CYSLTR2: variants seen among roughly 807,000 people sequenced by gnomAD.
The protein encoded by CYSLTR2 is G-protein coupled receptor GPCR21.
For synonymous variants in CYSLTR2, 179 were observed against 160.8 expected, an observed-to-expected ratio of 1.11 and a Z score of -0.86; for missense variants, 398 against 411.9, an observed-to-expected ratio of 0.97 and a Z score of 0.29.
chr13:48,707,528 G>A lies in CYSLTR2; in HGVS notation c.711G>A (p.Gly237=). The change falls in exon 5 of 5, where the codon GGG becomes GGA. Residue 237 remains glycine (G), a synonymous_variant. Transcript: ENST00000682523. ...VLLKVEVPES[G]LRVSHRKALT... is the part of the protein sequence containing the mutation. ...TAAAAGTGGAGGTCCCAGAATCGGG[G>A]CTGCGGGTTTCTCACAGGAAGGCAC... The A allele has an allele frequency of 6.2e-7, 1 of 1,609,254 alleles. No individual in the cohort carries two copies. The highest frequency in any genetic ancestry group is 8.5e-7 in the Non-Finnish European group (1 of 1,180,006).
intron 1 of CYSLTR2, among the ~76,000 whole-genome samples, chr13:48,674,407 G>T (rs983958331): frequency 1.3e-5 from 2 of 151,894 alleles, no homozygotes; most frequent in Non-Finnish European, 2.9e-5. Context: ...CCATTTGATC[G>T]ATTCTGCTAT....
Position 48,709,232 on chromosome 13 carries a change from C to T in CYSLTR2, c.*1374C>T, listed in dbSNP as rs1418976734. On this transcript the variant is annotated 3_prime_UTR_variant, in exon 5 of 5. Coordinates refer to ENST00000682523, the MANE Select transcript of CYSLTR2 (RefSeq NM_001308476.3). ...AAAGCTGTCCTTTCCTACCAATTTC[C>T]TCCCCCTCCTCACTCTCACAAGAAA... 6.0e-6 allele frequency: 1 copy of T among 167,084 alleles called. No individual in the cohort carries two copies. Among genetic ancestry groups the T allele is most frequent in the East Asian group, 1.9e-4 (1 of 5,206 alleles). The allele number at this position is 167,084 out of a possible 1,614,324, so 10.4% of individuals were successfully genotyped here. A position where few individuals can be genotyped will look rare whatever the true frequency, so the allele number is the denominator to read the frequency against.
intron 4 of CYSLTR2, among the ~76,000 whole-genome samples, chr13:48,706,114 A>G (rs1012623608): frequency 3.3e-5 from 5 of 150,386 alleles, no homozygotes; most frequent in African/African-American, 1.2e-4. Context: ...CTCCTGCCTC[A>G]GCCTCCCGGG....
chr13:48,668,219 C>T (rs1290048566), intron 1 of CYSLTR2, among the ~76,000 whole-genome samples: 2 of 150,982 alleles, frequency 1.3e-5, no homozygotes, highest in Admixed American at 6.6e-5. Context: ...AGTTTTTATA[C>T]AAGTGCCATA....
At chr13:48,673,234 G>T (rs926688353) in intron 1 of CYSLTR2, among the ~76,000 whole-genome samples, 5 of 152,080 alleles carry the variant, frequency 3.3e-5, no homozygotes, top group African/African-American at 1.2e-4. Flanking sequence ...TATTGTGTGG[G>T]AGTCTAAGTC....
At chr13:48,671,135 G>A (rs1953417794) in intron 1 of CYSLTR2, among the ~76,000 whole-genome samples, 1 of 152,212 alleles carries the variant, frequency 6.6e-6, no homozygotes, top group African/African-American at 2.4e-5. Context: ...TTTGTTTCCT[G>A]AGACTTTGCT....
chr13:48,679,029 TCCCA>T (rs1405366436), intron 1 of CYSLTR2, among the ~76,000 whole-genome samples: 2 of 151,978 alleles, frequency 1.3e-5, no homozygotes, highest in Non-Finnish European at 2.9e-5. Context: ...CAGGATGAAA[TCCCA>T]ATTCCTTGGT....
At chr13:48,688,938 A>T (rs1275696662) in intron 1 of CYSLTR2, among the ~76,000 whole-genome samples, 1 of 152,144 alleles carries the variant, frequency 6.6e-6, no homozygotes, top group Non-Finnish European at 1.5e-5. Context: ...TGACTTTTTA[A>T]TGATCACCAT....
Position 48,706,934 on chromosome 13 carries a change from A to T in CYSLTR2, c.117A>T (p.Glu39Asp), listed in dbSNP as rs754945976. 3.7e-6 allele frequency: 6 copies of T among 1,614,114 alleles called. No individual in the cohort carries two copies. The highest frequency in any genetic ancestry group is 5.1e-6 in the Non-Finnish European group (6 of 1,180,012). ...GCACAATTGAAAACTTCAAGAGAGAATTTTTCCCAATTGTATATCTGATAA... is the reference window on the plus strand; with the variant it reads ...GCACAATTGAAAACTTCAAGAGAGATTTTTTCCCAATTGTATATCTGATAA... ...RNCTIENFKR[E>D]FFPIVYLIIF... The change falls in exon 5 of 5, where the codon GAA becomes GAT. Residue 39 changes from glutamate (E) to aspartate (D), a missense_variant. By Grantham distance (45) the Glu-to-Asp change is conservative (BLOSUM62 2). Transcript: ENST00000682523.
In CYSLTR2 at chr13:48,707,636, A is replaced by G. The variant is rs373607915; in HGVS notation, c.819A>G (p.Thr273=). The G allele has an allele frequency of 1.2e-6, 2 of 1,613,810 alleles. No homozygotes were observed. Among genetic ancestry groups the G allele is most frequent in the Non-Finnish European group, 1.7e-6 (2 of 1,180,008 alleles). ...YHTLRTVHLT[T]WKVGLCKDRL... is the part of the protein sequence containing the mutation. ...CACTGAGGACCGTCCACTTGACGAC[A>G]TGGAAAGTGGGTTTATGCAAAGACA... Residue 273 remains threonine (T), a synonymous_variant, in exon 5 of 5, where the codon ACA becomes ACG. Transcript: ENST00000682523.
At chr13:48,679,012 C>T (rs1307691259) in intron 1 of CYSLTR2, among the ~76,000 whole-genome samples, 3 of 152,184 alleles carry the variant, frequency 2.0e-5, no homozygotes, top group African/African-American at 7.2e-5. Flanking sequence ...GAGGCTCTCA[C>T]TGCCCTCAGG....
chr13:48,665,862 C>A (rs189560787), intron 1 of CYSLTR2, among the ~76,000 whole-genome samples: 7 of 152,026 alleles, frequency 4.6e-5, no homozygotes, highest in Admixed American at 4.6e-4. Context: ...TGTATTGATT[C>A]TTTTCTGCTT....
At chr13:48,666,633 G>T (rs1191963746) in intron 1 of CYSLTR2, among the ~76,000 whole-genome samples, 1 of 151,952 alleles carries the variant, frequency 6.6e-6, no homozygotes, top group Non-Finnish European at 1.5e-5. Context: ...TATTTCAAAA[G>T]ACCTGTCTTC....
chr13:48,671,646 A>G (rs1329706183), intron 1 of CYSLTR2, among the ~76,000 whole-genome samples: 1 of 152,206 alleles, frequency 6.6e-6, no homozygotes, highest in Non-Finnish European at 1.5e-5. Flanking sequence ...CGTGGTGGAT[A>G]AGCTTTTTAA....
chr13:48,683,124 T>A (rs1356009751), intron 1 of CYSLTR2, among the ~76,000 whole-genome samples: 1 of 152,224 alleles, frequency 6.6e-6, no homozygotes, highest in African/African-American at 2.4e-5. Flanking sequence ...TTATCCAGTC[T>A]ACCATTGATG....
At chr13:48,679,014 G>A (rs1953676336) in intron 1 of CYSLTR2, among the ~76,000 whole-genome samples, 1 of 152,052 alleles carries the variant, frequency 6.6e-6, no homozygotes, top group Non-Finnish European at 1.5e-5. Flanking sequence ...GGCTCTCACT[G>A]CCCTCAGGAT....
rs61735169 is a variant in CYSLTR2 at position 48,707,543 on chromosome 13, C to G, written c.726C>G (p.His242Gln). 1.6e-3 allele frequency: 2,576 copies of G among 1,608,494 alleles called. 48 individuals carry two copies. The African/African-American group carries it at 0.03, about 19-fold the overall frequency. The change falls in exon 5 of 5, where the codon CAC (histidine) becomes CAG (glutamine). Residue 242 changes from histidine (H) to glutamine (Q), a missense_variant. Coordinates refer to ENST00000682523, the MANE Select transcript of CYSLTR2 (RefSeq NM_001308476.3). ...CAGAATCGGGGCTGCGGGTTTCTCA[C>G]AGGAAGGCACTGACCACCATCATCA... is the stretch of plus-strand genomic sequence containing the variant. ...EVPESGLRVS[H>Q]RKALTTIIIT...
At chr13:48,702,783 G>A (rs528373618) in intron 4 of CYSLTR2, among the ~76,000 whole-genome samples, 1 of 152,134 alleles carries the variant, frequency 6.6e-6, no homozygotes, top group Non-Finnish European at 1.5e-5. Flanking sequence ...TAGTTCCTCT[G>A]CCTTGTCATT....
At chr13:48,693,771 C>A (rs117702150) in intron 3 of CYSLTR2, among the ~76,000 whole-genome samples, 9 of 152,146 alleles carry the variant, frequency 5.9e-5, no homozygotes, top group Non-Finnish European at 1.3e-4. Flanking sequence ...TTACTAATTC[C>A]TAAAGTATGG....
Sources: gnomAD v4.1 joint callset for allele counts (sites outside exome capture counted in the v4.1 genomes callset) on GRCh38, gnomAD v4.1.1 for gene constraint, MANE v1.5 for transcripts, NCBI Gene and HGNC (gene_info 2026-07-23, HGNC 2026-07-21) for gene names.